Variants in PRIM2 observed in about 807,000 individuals in gnomAD.
The protein encoded by PRIM2 is DNA primase large subunit.
In PRIM2, 39 loss-of-function variants were observed where a neutral mutation model predicts 67.3. The ratio of observed to expected loss-of-function variants is 0.58; its 90% confidence interval spans 0.45 to 0.76. The LOEUF is 0.76. Among genes scored for constraint, PRIM2 ranks in the 30% least tolerant of loss-of-function variants. The probability of loss-of-function intolerance (pLI) is 0.00; values close to 1 mark genes in which losing one functional copy is unlikely to be tolerated. For synonymous variants in PRIM2, 143 were observed against 198.7 expected (o/e 0.72, Z 2.36); for missense variants, 398 against 598.7 (o/e 0.66, Z 3.50).
chr6:57,520,603 A>G (rs1300371107), intron 8 of PRIM2, among the ~76,000 whole-genome samples: 6 of 152,158 alleles, frequency 3.9e-5, no homozygotes, highest in Non-Finnish European at 5.9e-5. Flanking sequence ...TAGTTTGAAT[A>G]TATGTTACAG....
intron 12 of PRIM2, among the ~76,000 whole-genome samples, chr6:57,615,419 T>C (rs1351625514): frequency 8.4e-5 from 8 of 95,808 alleles, no homozygotes; most frequent in Admixed American, 1.2e-4. Flanking sequence ...AGATTCTGTC[T>C]CAAAAAAAAA....
intron 5 of PRIM2, among the ~76,000 whole-genome samples, chr6:57,350,813 A>C (rs911127445): frequency 1.3e-5 from 2 of 151,998 alleles, no homozygotes; most frequent in Non-Finnish European, 2.9e-5. Context: ...CGTTTCCTAG[A>C]TGTCATATAT....
At chr6:57,259,863 G>A in the PRIM2 span, among the ~76,000 whole-genome samples, 1 of 152,136 alleles carries the variant, frequency 6.6e-6, no homozygotes, top group Non-Finnish European at 1.5e-5. Context: ...TGCCCCTATG[G>A]TCAACCCACA....
At chr6:57,456,891 GCT>G (rs1272705280) in intron 7 of PRIM2, among the ~76,000 whole-genome samples, 7 of 152,118 alleles carry the variant, frequency 4.6e-5, no homozygotes, top group African/African-American at 1.4e-4. Context: ...CAGTTTTTCT[GCT>G]CTGTTTTTTC....
chr6:57,357,840 C>G (rs1460278359), intron 5 of PRIM2, among the ~76,000 whole-genome samples: 1 of 152,170 alleles, frequency 6.6e-6, no homozygotes, highest in East Asian at 1.9e-4. Context: ...GTGATCCACC[C>G]GCCTTGGCCT....
chr6:57,542,234 C>T (rs1175809787), intron 10 of PRIM2, among the ~76,000 whole-genome samples: 11 of 152,202 alleles, frequency 7.2e-5, no homozygotes, highest in African/African-American at 2.7e-4. Context: ...CCTTGGCCTG[C>T]CAAAGTGCTG....
the PRIM2 span, among the ~76,000 whole-genome samples, chr6:57,284,161 T>C: frequency 6.6e-6 from 1 of 152,114 alleles, no homozygotes; most frequent in Non-Finnish European, 1.5e-5. Context: ...AAGAAGAACA[T>C]GAAAGAGAGA....
the PRIM2 span, among the ~76,000 whole-genome samples, chr6:57,237,473 G>A: frequency 6.6e-6 from 1 of 152,166 alleles, no homozygotes; most frequent in South Asian, 2.1e-4. Context: ...TGGTGTTTTA[G>A]ACGTGAAGTC....
chr6:57,614,560 G>T (rs1299923829), intron 12 of PRIM2, among the ~76,000 whole-genome samples: 1 of 152,032 alleles, frequency 6.6e-6, no homozygotes, highest in Non-Finnish European at 1.5e-5. Context: ...TAAAATATTG[G>T]TGTACGTTGG....
intron 10 of PRIM2, among the ~76,000 whole-genome samples, chr6:57,584,630 C>T (rs1260068723): frequency 1.3e-5 from 2 of 152,072 alleles, no homozygotes; most frequent in African/African-American, 4.8e-5. Context: ...AGATGAAGAA[C>T]ATATGTCCTG....
intron 7 of PRIM2, among the ~76,000 whole-genome samples, chr6:57,421,343 T>G (rs1264186258): frequency 3.9e-5 from 6 of 152,172 alleles, no homozygotes; most frequent in Non-Finnish European, 8.8e-5. Flanking sequence ...ACCCCTATCT[T>G]TTTCCTTAAC....
At chr6:57,389,213 G>T (rs2397254) in intron 7 of PRIM2, among the ~76,000 whole-genome samples, 2 of 152,070 alleles carry the variant, frequency 1.3e-5, no homozygotes, top group East Asian at 1.9e-4. Flanking sequence ...CAAGCAGTCC[G>T]CCTGCCTTAG....
chr6:57,538,453 C>T (rs1251966085), intron 10 of PRIM2, among the ~76,000 whole-genome samples: 69 of 152,286 alleles, frequency 4.5e-4, no homozygotes, highest in African/African-American at 1.6e-3. Context: ...CAGCTAATAA[C>T]ATTTTACTTG....
At chr6:57,227,428 G>A in the PRIM2 span, among the ~76,000 whole-genome samples, 2 of 152,166 alleles carry the variant, frequency 1.3e-5, no homozygotes, top group Non-Finnish European at 2.9e-5. Flanking sequence ...AGGATCACCT[G>A]AGGTCAGGAG....
intron 10 of PRIM2, among the ~76,000 whole-genome samples, chr6:57,599,436 A>G (rs1776423297): frequency 6.6e-6 from 1 of 151,762 alleles, no homozygotes; most frequent in Non-Finnish European, 1.5e-5. Context: ...GTTTTAAATG[A>G]CACTTCATTT....
the PRIM2 span, among the ~76,000 whole-genome samples, chr6:57,256,231 C>CA: frequency 6.6e-6 from 1 of 151,998 alleles, no homozygotes. Context: ...TGTTTTTGGC[C>CA]AAAGGTGATA....
At chr6:57,525,170 G>A (rs1554349249) in intron 8 of PRIM2, among the ~76,000 whole-genome samples, 52,526 of 151,004 alleles carry the variant, frequency 0.35, 8,812 homozygotes, top group East Asian at 0.46. Context: ...CTGCCCCTCC[G>A]TCTGTTATGT....
intron 10 of PRIM2, among the ~76,000 whole-genome samples, chr6:57,580,251 A>T (rs1481392921): frequency 6.6e-6 from 1 of 152,198 alleles, no homozygotes; most frequent in Non-Finnish European, 1.5e-5. Context: ...TACAAAAAAT[A>T]AAATTAGTTA....
In PRIM2 at chr6:57,592,006, A is replaced by G. The variant is rs1285577899; in HGVS notation, c.1021-9087A>G. ...ACACAGCCATAAAAAGAACAAAATC[A>G]TGTCCTTTGCATCAGCATGGATGCA... On this transcript the variant is annotated intron_variant, in intron 10 of 13. Transcript: ENST00000615550. Among the ~76,000 whole-genome samples the G allele has an allele frequency of 3.3e-5, 5 of 152,302 alleles. No homozygotes were observed. The East Asian group carries it at 9.6e-4, about 29-fold the overall frequency.
Sources: allele counts gnomAD v4.1 joint callset (sites outside exome capture counted in the v4.1 genomes callset), GRCh38; gene constraint gnomAD v4.1.1; transcripts MANE v1.5; gene names NCBI Gene and HGNC (gene_info 2026-07-23, HGNC 2026-07-21).